The following NUF2 variants were observed in gnomAD, a reference collection of about 807,000 sequenced individuals.
NUF2 encodes kinetochore protein Nuf2.
In NUF2, 34 loss-of-function variants were observed where a neutral mutation model predicts 61.8. That is an observed-to-expected ratio of 0.55 (90% CI 0.42 to 0.73). The LOEUF (loss-of-function observed/expected upper bound fraction) is 0.73, where lower values mean the gene tolerates loss of function less well. Among genes scored for constraint, NUF2 ranks in the 30% least tolerant of loss-of-function variants. NUF2 has a pLI of 0.00. For synonymous variants in NUF2, 172 were observed against 181.6 expected (o/e 0.95, Z 0.42); for missense variants, 445 against 539.1 (o/e 0.83, Z 1.73).
At chr1:163,322,572 T>C (rs2292276) in intron 1 of NUF2, among the ~76,000 whole-genome samples, 90,038 of 152,152 alleles carry the variant, frequency 0.59, 27,026 homozygotes, top group South Asian at 0.68. Flanking sequence ...TCATTGTTCC[T>C]TTTAAAAGTT....
At chr1:163,323,051 T>C (rs1156869584) in intron 1 of NUF2, 2 of 152,190 alleles carry the variant, frequency 1.3e-5, no homozygotes, top group African/African-American at 2.4e-5. Flanking sequence ...TATTAAAGGG[T>C]TTAGAAGCCT....
chr1:163,328,928 G>T, intron 5 of NUF2, 21 bp downstream of exon 5: 1 of 1,367,762 alleles, frequency 7.3e-7, no homozygotes, highest in Non-Finnish European at 1.0e-6. Context: ...ATTTAAAACA[G>T]TTTTAATGTC....
At position 163,347,646 on chromosome 1, in the gene NUF2, G is replaced by A. The variant is rs989364148; in HGVS notation, c.949-117G>A. The A allele has an allele frequency of 1.2e-5, 9 of 757,156 alleles. No individual in the cohort carries two copies. The African/African-American group carries it at 1.5e-4, about 12-fold the overall frequency. 46.9% of individuals were successfully genotyped at this position (757,156 alleles called of 1,614,324 possible). On this transcript the variant is annotated intron_variant, in intron 11 of 13. Coordinates refer to ENST00000271452, the MANE Select transcript of NUF2 (RefSeq NM_145697.3). ...CTGCCGGACTTTCAGGTTTTAAAGA[G>A]TTTTGTCTCTTTTTAAATTTGTGTT...
chr1:163,354,417 T>G (rs1651422737), intron 13 of NUF2, among the ~76,000 whole-genome samples: 1 of 152,168 alleles, frequency 6.6e-6, no homozygotes, highest in South Asian at 2.1e-4. Flanking sequence ...AGGGTTCTTT[T>G]TCGGAATACT....
chr1:163,336,943 A>C, intron 6 of NUF2, 95 bp downstream of exon 6: 1 of 750,108 alleles, frequency 1.3e-6, no homozygotes, highest in Non-Finnish European at 2.3e-6. Context: ...TAGACAGCAA[A>C]TTGCTGTATT....
intron 13 of NUF2, among the ~76,000 whole-genome samples, chr1:163,353,834 A>G (rs1414815857): frequency 6.6e-6 from 1 of 152,108 alleles, no homozygotes; most frequent in African/African-American, 2.4e-5. Context: ...TTAATGTTTC[A>G]TTCACTTGTG....
intron 1 of NUF2, among the ~76,000 whole-genome samples, 196 bp downstream of exon 1, chr1:163,322,408 C>G (rs1319790789): frequency 1.3e-5 from 2 of 152,170 alleles, no homozygotes; most frequent in Admixed American, 6.5e-5. Flanking sequence ...GTTTATTTGG[C>G]TGCAGATGCT....
intron 3 of NUF2, 27 bp downstream of exon 3, chr1:163,327,589 G>A (rs765007139): frequency 1.4e-6 from 2 of 1,459,288 alleles, no homozygotes; most frequent in Admixed American, 1.7e-5. Flanking sequence ...GCAAAATTAT[G>A]GGGTTTTTTT....
At chr1:163,351,694 T>C (rs1651326923) in intron 13 of NUF2, among the ~76,000 whole-genome samples, 2 of 152,226 alleles carry the variant, frequency 1.3e-5, no homozygotes, top group Admixed American at 1.3e-4. Flanking sequence ...CGTTGTGATA[T>C]CTATTTGTTA....
At chr1:163,343,670 A>C in intron 9 of NUF2, 63 bp from the exon 10 acceptor site, 1 of 791,268 alleles carries the variant, frequency 1.3e-6, no homozygotes, top group African/African-American at 1.8e-5. Flanking sequence ...GTTCTTTCCC[A>C]TTACTAGAAT....
intron 5 of NUF2, among the ~76,000 whole-genome samples, chr1:163,333,541 T>G (rs770849503): frequency 1.2e-4 from 18 of 151,890 alleles, no homozygotes; most frequent in Admixed American, 3.9e-4. Context: ...TATATAATAC[T>G]ATATATGAAA....
intron 13 of NUF2, among the ~76,000 whole-genome samples, chr1:163,350,742 A>C (rs145931172): frequency 1.1e-4 from 17 of 151,284 alleles, no homozygotes; most frequent in Admixed American, 1.3e-4. Flanking sequence ...TCACCCAAAC[A>C]CATTGATTAG....
intron 13 of NUF2, among the ~76,000 whole-genome samples, chr1:163,354,778 T>C (rs73028160): frequency 0.025 from 3,787 of 152,090 alleles, 132 homozygotes; most frequent in African/African-American, 0.078. Flanking sequence ...TAGAAGAAAA[T>C]GTGTACACGC....
In NUF2 at chr1:163,322,143, A is replaced by T. The variant is rs896488782; in HGVS notation, c.-90A>T. On this transcript the variant is annotated 5_prime_UTR_variant, in exon 1 of 14. Coordinates refer to ENST00000271452, the MANE Select transcript of NUF2 (RefSeq NM_145697.3). ...TCCCAAGGCGCGGGCAGGTGCCGGG[A>T]CGCTGGGCCTGGCGGTGTTTTCGTC... The T allele has an allele frequency of 1.3e-4, 20 of 152,428 alleles. No individual in the cohort carries two copies. The highest frequency in any genetic ancestry group is 4.3e-4 in the African/African-American group (18 of 41,560). The allele number at this position is 152,428 out of a possible 1,614,324, so 9.4% of individuals were successfully genotyped here.
Position 163,336,852 on chromosome 1 carries a change from A to G in NUF2, c.435+4A>G, listed in dbSNP as rs1311896000. ...TATGGAATTTCTTTGGCAATATGTA[A>G]GATTTAAATATGTTTTGGGGTTACA... On this transcript the variant is annotated splice_donor_region_variant and intron_variant, in intron 6 of 13. Transcript: ENST00000271452. 1.5e-5 allele frequency: 24 copies of G among 1,568,200 alleles called. No individual in the cohort carries two copies. The highest frequency in any genetic ancestry group is 2.0e-5 in the Non-Finnish European group (23 of 1,138,514).
At chr1:163,327,789 A>G (rs934519365) in intron 3 of NUF2, 4 of 486,004 alleles carry the variant, frequency 8.2e-6, no homozygotes, top group African/African-American at 5.9e-5. Flanking sequence ...ATAGTAAAAG[A>G]CTTAAATGAC....
At chr1:163,347,982 G>A in intron 12 of NUF2, 44 bp downstream of exon 12, 1 of 1,323,370 alleles carries the variant, frequency 7.6e-7, no homozygotes, top group Non-Finnish European at 1.0e-6. Context: ...AAGCAATTAT[G>A]AAAAACAAAT....
chr1:163,354,777 A>G (rs1450929717), intron 13 of NUF2, among the ~76,000 whole-genome samples: 1 of 152,080 alleles, frequency 6.6e-6, no homozygotes, highest in African/African-American at 2.4e-5. Flanking sequence ...ATAGAAGAAA[A>G]TGTGTACACG....
rs2055747 is a variant in NUF2, at chr1:163,336,580, C to G, written c.338-171C>G. Among the ~76,000 whole-genome samples the G allele has an allele frequency of 0.42, 63,148 of 151,738 alleles. 13,519 individuals are homozygous for G. Among genetic ancestry groups the G allele is most frequent in the South Asian group, 0.59 (2,833 of 4,806 alleles). On this transcript the variant is annotated intron_variant, in intron 5 of 13. Transcript: ENST00000271452. ...ACCTTTTTTTTTAAAGTTATTAATA[C>G]AAAGATAATTTTTACCTTTAAGTTA...
Sources: allele counts gnomAD v4.1 joint callset (sites outside exome capture counted in the v4.1 genomes callset), GRCh38; gene constraint gnomAD v4.1.1; transcripts MANE v1.5; gene names NCBI Gene and HGNC (gene_info 2026-07-23, HGNC 2026-07-21).